Variants in ATXN3 observed in about 807,000 individuals in gnomAD.
ATXN3 encodes ataxin-3.
In ATXN3, 28 loss-of-function variants were observed where a neutral mutation model predicts 58.2. The observed-to-expected ratio is 0.48, with a 90% CI of 0.36 to 0.66. The LOEUF is 0.66. Ranked by LOEUF, ATXN3 falls within the 30% of genes least tolerant of loss-of-function variation. The probability of loss-of-function intolerance (pLI) is 0.00; values close to 1 mark genes in which losing one functional copy is unlikely to be tolerated. For synonymous variants in ATXN3, 113 were observed against 138.5 expected (o/e 0.82, Z 1.29); for missense variants, 321 against 422.1 (o/e 0.76, Z 2.10).
Position 92,073,950 on chromosome 14 carries a change from T to C in ATXN3, c.873-2897A>G, listed in dbSNP as rs142090748. ...ATTGCTTGAAACTGGGAGGCAGAGG[T>C]TGCAATGCGCCAAGATTGCACCACT... On this transcript the variant is annotated intron_variant, in intron 9 of 10. Transcript: ENST00000644486. Among the ~76,000 whole-genome samples the C allele has an allele frequency of 7.7e-3, 1,001 of 130,404 alleles. 10 individuals are homozygous for C. The highest frequency in any genetic ancestry group is 0.028 in the African/African-American group (936 of 33,964). The allele number at this position is 130,404 out of a possible 152,430, so 85.6% of individuals were successfully genotyped here. A position where few individuals can be genotyped will look rare whatever the true frequency, so the allele number is the denominator to read the frequency against.
chr14:92,096,400 G>GGA (rs1344451745), intron 2 of ATXN3: 1 of 1,070,024 alleles, frequency 9.3e-7, no homozygotes, highest in African/African-American at 1.6e-5. Context: ...CAAGACAGGT[G>GGA]GATCATAAGG....
At chr14:92,093,168 T>C (rs1187471506) in intron 5 of ATXN3, 84 bp downstream of exon 5, 2 of 897,688 alleles carry the variant, frequency 2.2e-6, no homozygotes, top group African/African-American at 3.5e-5. Context: ...ACTGTTGGCA[T>C]GAGCCACCAC....
intron 6 of ATXN3, among the ~76,000 whole-genome samples, chr14:92,086,884 G>A (rs2402103): frequency 0.27 from 41,216 of 151,856 alleles, 5,836 homozygotes; most frequent in East Asian, 0.42. Flanking sequence ...TCTTGAGTAG[G>A]TGAGAAGAGC....
chr14:92,045,435 G>T (rs2057422410), intron 2 of ATXN3, among the ~76,000 whole-genome samples: 1 of 152,106 alleles, frequency 6.6e-6, no homozygotes, highest in East Asian at 1.9e-4. Flanking sequence ...CTGTGGGAAA[G>T]GCCTCTACCC....
At chr14:92,058,350 A>C (rs1566887393), downstream of ATXN3, 1 of 152,168 alleles carries the variant, frequency 6.6e-6, no homozygotes, top group African/African-American at 2.4e-5. Flanking sequence ...TCCTCCATCC[A>C]TACTTTTTTC....
At chr14:92,090,828 A>T (rs1046238185) in intron 5 of ATXN3, among the ~76,000 whole-genome samples, 1 of 152,216 alleles carries the variant, frequency 6.6e-6, no homozygotes, top group Non-Finnish European at 1.5e-5. Context: ...ATACTGGATC[A>T]TAATTTTTAA....
chr14:92,048,837 A>AAAG (rs1449672567), intron 1 of ATXN3, among the ~76,000 whole-genome samples: 1 of 152,078 alleles, frequency 6.6e-6, no homozygotes, highest in Non-Finnish European at 1.5e-5. Context: ...AGTCCATAGA[A>AAAG]AAGGAGGATT....
At chr14:92,096,516 T>A in intron 2 of ATXN3, 158 bp downstream of exon 2, 1 of 813,230 alleles carries the variant, frequency 1.2e-6, no homozygotes, top group Admixed American at 2.8e-5. Flanking sequence ...CCCAGCTACT[T>A]GGGAGGCTGA....
At chr14:92,065,889 A>AAAT (rs146832756) in intron 10 of ATXN3, among the ~76,000 whole-genome samples, 2 of 151,476 alleles carry the variant, frequency 1.3e-5, no homozygotes, top group African/African-American at 4.9e-5. Flanking sequence ...TAAAAAAGAA[A>AAAT]AATAATAATA....
intron 10 of ATXN3, among the ~76,000 whole-genome samples, chr14:92,066,269 C>T (rs903953849): frequency 6.6e-6 from 1 of 152,156 alleles, no homozygotes; most frequent in South Asian, 2.1e-4. Context: ...CTTTGACCCT[C>T]CTTCATCTGT....
chr14:92,100,859 T>C (rs920154516), intron 1 of ATXN3, among the ~76,000 whole-genome samples: 28 of 152,302 alleles, frequency 1.8e-4, no homozygotes, highest in African/African-American at 6.7e-4. Context: ...TGTGTGCTCC[T>C]CTCTGTATTG....
At chr14:92,069,469 G>T (rs933197033) in intron 10 of ATXN3, among the ~76,000 whole-genome samples, 7 of 151,220 alleles carry the variant, frequency 4.6e-5, no homozygotes, top group Non-Finnish European at 1.0e-4. Context: ...TGCCTCCCGG[G>T]TTCACGTGAT....
At chr14:92,081,289 G>A (rs1347215971) in intron 8 of ATXN3, among the ~76,000 whole-genome samples, 1 of 151,690 alleles carries the variant, frequency 6.6e-6, no homozygotes, top group Admixed American at 6.6e-5. Context: ...CTGGCCAAAA[G>A]GGCAAAACCC....
At chr14:92,086,723 G>C (rs888217745) in intron 6 of ATXN3, among the ~76,000 whole-genome samples, 1 of 151,968 alleles carries the variant, frequency 6.6e-6, no homozygotes, top group Non-Finnish European at 1.5e-5. Flanking sequence ...AATAAAAATG[G>C]GGAGGCAGCT....
upstream of ATXN3, among the ~76,000 whole-genome samples, chr14:92,052,178 A>T (rs1445444269): frequency 6.6e-6 from 1 of 151,952 alleles, no homozygotes; most frequent in African/African-American, 2.4e-5. Context: ...TCAACTTGTC[A>T]TCCTCCAAAA....
chr14:92,070,748 T>C (rs2059281163), intron 10 of ATXN3, 187 bp downstream of exon 10: 5 of 1,345,734 alleles, frequency 3.7e-6, no homozygotes, highest in Non-Finnish European at 4.9e-6. Context: ...ATCTAGCTTT[T>C]TTTTTTTTTT....
intron 8 of ATXN3, among the ~76,000 whole-genome samples, chr14:92,081,365 CAGG>C (rs33981553): frequency 0.29 from 43,245 of 148,674 alleles, 6,586 homozygotes; most frequent in East Asian, 0.45. Flanking sequence ...CCCAGCTACT[CAGG>C]AGGCTGAGGC....
chr14:92,083,344 A>G (rs1224664880), intron 6 of ATXN3, 86 bp from the exon 7 acceptor site: 7 of 1,290,378 alleles, frequency 5.4e-6, no homozygotes, highest in Non-Finnish European at 7.5e-6. Flanking sequence ...AAAAGGCAGC[A>G]CAGAACACTG....
chr14:92,106,247 CA>C lies in ATXN3; in HGVS notation c.24+281del, dbSNP rs1040996080. On this transcript the variant is annotated intron_variant, in intron 1 of 10. Coordinates refer to ENST00000644486, the MANE Select transcript of ATXN3 (RefSeq NM_004993.6). ...GGAAAGTGACGGAGAAAGGCAGAAG[CA>C]AACCCACTGGGCGCCACCCCACTCC... 6.3e-4 allele frequency among the ~76,000 whole-genome samples: 96 copies of C among 152,294 alleles called. 2 individuals are homozygous for C. Among genetic ancestry groups the C allele is most frequent in the Non-Finnish European group, 4.6e-4 (31 of 68,006 alleles).
Sources: allele counts gnomAD v4.1 joint callset (sites outside exome capture counted in the v4.1 genomes callset), GRCh38; gene constraint gnomAD v4.1.1; transcripts MANE v1.5; gene names NCBI Gene and HGNC (gene_info 2026-07-23, HGNC 2026-07-21).